Variants in WARS2 observed in about 807,000 individuals in gnomAD.
The protein encoded by WARS2 is tryptophanyl tRNA synthetase 2, mitochondrial, also known as tryptophan--tRNA ligase, mitochondrial.
Under a neutral mutation model 36.5 loss-of-function variants are expected in WARS2, and 28 were observed. That is an observed-to-expected ratio of 0.77 (90% CI 0.57 to 1.05). The LOEUF (loss-of-function observed/expected upper bound fraction) is 1.05, where lower values mean the gene tolerates loss of function less well. WARS2 is among the 50% of genes least tolerant of loss of function. WARS2 has a pLI of 0.00. For synonymous variants in WARS2, 174 were observed against 178.4 expected (o/e 0.98, Z 0.20); for missense variants, 435 against 456.8 (o/e 0.95, Z 0.44).
At chr1:119,037,871 T>C (rs542406713) in intron 4 of WARS2, among the ~76,000 whole-genome samples, 2 of 152,340 alleles carry the variant, frequency 1.3e-5, no homozygotes, top group South Asian at 4.1e-4. Flanking sequence ...TTCTGCATCT[T>C]CACTGTCATC....
chr1:119,116,573 A>T (rs1654987259), intron 1 of WARS2, among the ~76,000 whole-genome samples: 1 of 152,198 alleles, frequency 6.6e-6, no homozygotes. Context: ...CCAAAGTGTG[A>T]AAGGGGGAAA....
intron 1 of WARS2, chr1:119,126,931 G>A: frequency 1.3e-6 from 1 of 753,260 alleles, no homozygotes; most frequent in African/African-American, 1.7e-5. Context: ...AACAGATGAA[G>A]CAATCATTGT....
rs587714163 is a variant in WARS2 at position 119,074,509 on chromosome 1, A to C, written c.348+1841T>G. ...TAGTAACTGGATCTGTCCAACGCTGAATTTGAAAAGTCATGTGTAAGCAAA... is the reference window on the plus strand; with the variant it reads ...TAGTAACTGGATCTGTCCAACGCTGCATTTGAAAAGTCATGTGTAAGCAAA... On this transcript the variant is annotated intron_variant, in intron 2 of 5. Transcript: ENST00000235521. Among the ~76,000 whole-genome samples, 16 of 152,334 alleles carry C rather than the reference A, an allele frequency of 1.1e-4. No homozygotes were observed. The East Asian group carries it at 2.9e-3, about 28-fold the overall frequency.
intron 1 of WARS2, among the ~76,000 whole-genome samples, chr1:119,127,909 C>T (rs1050700818): frequency 6.6e-6 from 1 of 152,182 alleles, no homozygotes; most frequent in Non-Finnish European, 1.5e-5. Context: ...TTATAGCTCC[C>T]TTTACATGCT....
intron 1 of WARS2, among the ~76,000 whole-genome samples, chr1:119,135,903 T>C (rs1656472549): frequency 7.2e-6 from 1 of 139,090 alleles, no homozygotes; most frequent in South Asian, 2.2e-4. Context: ...CCTGACTAGC[T>C]GGGACTACAG....
chr1:119,073,433 A>AT (rs1421739581), intron 2 of WARS2, among the ~76,000 whole-genome samples: 2 of 152,140 alleles, frequency 1.3e-5, no homozygotes, highest in Non-Finnish European at 2.9e-5. Context: ...ACCTGAGGAA[A>AT]TTTTTCATAT....
At chr1:119,116,646 C>A (rs759093838) in intron 1 of WARS2, among the ~76,000 whole-genome samples, 2 of 152,182 alleles carry the variant, frequency 1.3e-5, no homozygotes, top group Non-Finnish European at 2.9e-5. Context: ...AGGATTTAAC[C>A]ATACTTAGAG....
chr1:119,057,423 C>T (rs896467263), intron 2 of WARS2, among the ~76,000 whole-genome samples: 3 of 151,594 alleles, frequency 2.0e-5, no homozygotes, highest in Non-Finnish European at 2.9e-5. Flanking sequence ...GGATTACAGG[C>T]GTGAGTCACT....
chr1:119,060,688 CTT>C (rs1264971057), intron 2 of WARS2, among the ~76,000 whole-genome samples: 1 of 152,136 alleles, frequency 6.6e-6, no homozygotes, highest in Non-Finnish European at 1.5e-5. Context: ...GTGGTTTACT[CTT>C]TTAAAAAATG....
intron 3 of WARS2, among the ~76,000 whole-genome samples, chr1:119,043,327 C>T (rs771449555): frequency 1.3e-5 from 2 of 152,128 alleles, no homozygotes; most frequent in Non-Finnish European, 2.9e-5. Flanking sequence ...TCCAAATGAA[C>T]TGGGCAACTG....
rs1347523738 is a variant in WARS2, at chr1:119,032,311, A to C, written c.*600T>G. 6.6e-6 allele frequency: 1 copy of C among 152,472 alleles called. No individual in the cohort carries two copies. Among genetic ancestry groups the C allele is most frequent in the Non-Finnish European group, 1.5e-5 (1 of 68,262 alleles). 9.4% of individuals were successfully genotyped at this position (152,472 alleles called of 1,614,324 possible). Reference sequence around the variant, plus strand: ...CAACCTCCTTAGAAGATCATATCCCATATCTCTGAATTAAAAAACAAATTA... The same window carrying C: ...CAACCTCCTTAGAAGATCATATCCCCTATCTCTGAATTAAAAAACAAATTA... On this transcript the variant is annotated 3_prime_UTR_variant, in exon 6 of 6. Coordinates refer to ENST00000235521, the MANE Select transcript of WARS2 (RefSeq NM_015836.4).
chr1:119,121,872 C>T (rs1158814022), intron 1 of WARS2, among the ~76,000 whole-genome samples: 5 of 152,144 alleles, frequency 3.3e-5, no homozygotes, highest in Non-Finnish European at 7.4e-5. Flanking sequence ...CCTCATCTCT[C>T]ACCTTATACA....
intron 2 of WARS2, among the ~76,000 whole-genome samples, chr1:119,070,969 G>A (rs1651260488): frequency 6.6e-6 from 1 of 151,964 alleles, no homozygotes; most frequent in Non-Finnish European, 1.5e-5. Flanking sequence ...GATCATTTGA[G>A]GTCAGGAGTT....
Position 119,033,189 on chromosome 1 carries a change from G to C in WARS2, c.805C>G (p.Arg269Gly). Residue 269 changes from arginine (R) to glycine (G), a missense_variant, in exon 6 of 6, where the codon CGC becomes GGC. Arg to Gly is a moderately radical substitution (Grantham distance 125). Transcript: ENST00000235521. ...GCCACTATGTTGGACACGCCAGCGC[G>C]GCCAGCCGGGTCATAGGTGACCTCC... ...TSEVTYDPAG[R>G]AGVSNIVAVH... is the part of the protein sequence containing the mutation. 6.2e-7 allele frequency: 1 copy of C among 1,614,220 alleles called. No individual in the cohort carries two copies. The highest frequency in any genetic ancestry group is 8.5e-7 in the Non-Finnish European group (1 of 1,180,048).
At chr1:119,050,737 T>A (rs929100423) in intron 2 of WARS2, among the ~76,000 whole-genome samples, 8 of 151,146 alleles carry the variant, frequency 5.3e-5, no homozygotes, top group African/African-American at 1.9e-4. Context: ...ACGAAAAAAA[T>A]TTTAAACCAT....
chr1:119,135,703 AG>A (rs1276260156), intron 1 of WARS2, among the ~76,000 whole-genome samples: 1 of 149,572 alleles, frequency 6.7e-6, no homozygotes, highest in Admixed American at 6.7e-5. Context: ...AGAGATAGAT[AG>A]ATTAGATAGA....
chr1:119,069,156 A>C (rs1651109567), intron 2 of WARS2, among the ~76,000 whole-genome samples: 1 of 152,220 alleles, frequency 6.6e-6, no homozygotes, highest in South Asian at 2.1e-4. Context: ...ACAGAAAAAT[A>C]GCCTTTATAA....
intron 2 of WARS2, among the ~76,000 whole-genome samples, chr1:119,052,213 G>C (rs1451998660): frequency 6.6e-6 from 1 of 152,102 alleles, no homozygotes; most frequent in African/African-American, 2.4e-5. Flanking sequence ...CAATTAGCTG[G>C]CTCAGTAAAT....
chr1:119,047,782 A>T (rs1469097640), intron 2 of WARS2, among the ~76,000 whole-genome samples: 1 of 152,222 alleles, frequency 6.6e-6, no homozygotes, highest in Non-Finnish European at 1.5e-5. Flanking sequence ...CCAAAAACAA[A>T]CTAGCTGTAT....
Sources: gnomAD v4.1 joint callset for allele counts (sites outside exome capture counted in the v4.1 genomes callset) on GRCh38, gnomAD v4.1.1 for gene constraint, MANE v1.5 for transcripts, NCBI Gene and HGNC (gene_info 2026-07-23, HGNC 2026-07-21) for gene names.